The following TMEM132B variants were observed in gnomAD, a reference collection of about 807,000 sequenced individuals.
TMEM132B encodes the protein transmembrane protein 132B.
Under a neutral mutation model 90.8 loss-of-function variants are expected in TMEM132B, and 18 were observed. The ratio of observed to expected loss-of-function variants is 0.20; its 90% CI spans 0.14 to 0.29. The LOEUF is 0.29. Ranked by LOEUF, TMEM132B falls within the 10% of genes least tolerant of loss-of-function variation. The pLI is 1.00. For missense variants in TMEM132B, 1,096 were observed against 1,326.8 expected (o/e 0.83, Z 2.70); for synonymous variants, 504 against 523.3 (o/e 0.96, Z 0.50).
rs572606938 is a variant in TMEM132B, at chr12:125,660,131, C to T, written c.*5421C>T. 6.6e-6 allele frequency: 1 copy of T among 152,460 alleles called. No homozygotes were observed. Among genetic ancestry groups the T allele is most frequent in the African/African-American group, 2.4e-5 (1 of 41,554 alleles). 9.4% of individuals were successfully genotyped at this position (152,460 alleles called of 1,614,324 possible). A position where few individuals can be genotyped will look rare whatever the true frequency, so the allele number is the denominator to read the frequency against. On this transcript the variant is annotated 3_prime_UTR_variant, in exon 9 of 9. Coordinates refer to ENST00000682704, the MANE Select transcript of TMEM132B (RefSeq NM_001366854.1). ...AGTCGTGGTGGTGCATGCCTGTAGT[C>T]CCAGCTACTCTGGAGGCTGAGGCAG...
intron 1 of TMEM132B, among the ~76,000 whole-genome samples, chr12:125,245,762 C>A (rs1186395370): frequency 6.6e-6 from 1 of 152,158 alleles, no homozygotes; most frequent in Non-Finnish European, 1.5e-5. Flanking sequence ...ATAGCCCAGG[C>A]AGTGCCGGGG....
At chr12:125,447,817 A>G (rs1229783720) in intron 3 of TMEM132B, among the ~76,000 whole-genome samples, 1 of 152,186 alleles carries the variant, frequency 6.6e-6, no homozygotes, top group Non-Finnish European at 1.5e-5. Flanking sequence ...TGAATATATC[A>G]TTATATTGTC....
chr12:125,186,626 A>AGCCGAGGAAGCGCC lies in TMEM132B; in HGVS notation c.-170_-157dup, dbSNP rs1957761851. ...AGCCCAGGAGAGCGCGCAGAGGCGC[A>AGCCGAGGAAGCGCC]GCCGAGGAAGCGCCGCCAGCGCCGG... On this transcript the variant is annotated 5_prime_UTR_variant, in exon 1 of 9. An upstream open reading frame in the 5' UTR gains an earlier in-frame stop. Coordinates refer to ENST00000682704, the MANE Select transcript of TMEM132B (RefSeq NM_001366854.1). The surrounding 1 kb of genome is among the most constrained non-coding windows in gnomAD (Gnocchi z 6.3). 6.8e-6 allele frequency among the ~76,000 whole-genome samples: 1 copy of AGCCGAGGAAGCGCC among 146,708 alleles called. No individual in the cohort carries two copies. The highest frequency in any genetic ancestry group is 1.5e-5 in the Non-Finnish European group (1 of 65,940).
Position 125,294,476 on chromosome 12 carries a change from T to C in TMEM132B, c.68-54976T>C, listed in dbSNP as rs143740631. Among the ~76,000 whole-genome samples the C allele has an allele frequency of 3.1e-3, 479 of 152,348 alleles. 6 individuals carry two copies. Among genetic ancestry groups the C allele is most frequent in the African/African-American group, 0.011 (442 of 41,580 alleles). ...ATGTTCATCACAGAACTATTTATAA[T>C]GGTAGAAAATTTAAAACAACCTAGT... is the stretch of plus-strand genomic sequence containing the variant. On this transcript the variant is annotated intron_variant, in intron 1 of 8. Transcript: ENST00000682704.
chr12:125,377,437 G>A (rs1023573314), intron 2 of TMEM132B, among the ~76,000 whole-genome samples: 1 of 152,144 alleles, frequency 6.6e-6, no homozygotes, highest in African/African-American at 2.4e-5. Context: ...GAGTGAGGTT[G>A]GGTGGTTAGG....
intron 3 of TMEM132B, among the ~76,000 whole-genome samples, chr12:125,472,200 C>T (rs1375896989): frequency 6.6e-6 from 1 of 152,142 alleles, no homozygotes; most frequent in Non-Finnish European, 1.5e-5. Flanking sequence ...TGGAGAAACT[C>T]CATGGTTTAT....
intron 1 of TMEM132B, among the ~76,000 whole-genome samples, chr12:125,207,494 A>G (rs561482475): frequency 3.9e-5 from 6 of 152,296 alleles, no homozygotes; most frequent in South Asian, 2.1e-4. Context: ...ACTGTTCAAT[A>G]TGGTATCCGC....
intron 4 of TMEM132B, among the ~76,000 whole-genome samples, chr12:125,531,562 A>T (rs1250536595): frequency 6.6e-6 from 1 of 152,104 alleles, no homozygotes; most frequent in Non-Finnish European, 1.5e-5. Context: ...TTCCCACAAA[A>T]CTACAAGTTT....
Position 125,349,450 on chromosome 12 carries a change from A to G in TMEM132B, c.68-2A>G, listed in dbSNP as rs374754223. 2 of 1,598,324 alleles carry G rather than the reference A, an allele frequency of 1.3e-6. 1 individual carries two copies. Among genetic ancestry groups the G allele is most frequent in the South Asian group, 2.3e-5 (2 of 88,554 alleles). On this transcript the variant is annotated splice_acceptor_variant, in intron 1 of 8. Coordinates refer to ENST00000682704, the MANE Select transcript of TMEM132B (RefSeq NM_001366854.1). LOFTEE classifies it high-confidence loss of function. The surrounding 1 kb of genome is among the most constrained non-coding windows in gnomAD (Gnocchi z 4.1). ...ATTCTTTTGCTTTCCTTTCTTGTGC[A>G]GTGACAGAGAGTCGAGGGATTGTGG... is the stretch of plus-strand genomic sequence containing the variant.
intron 1 of TMEM132B, among the ~76,000 whole-genome samples, chr12:125,194,966 G>C (rs1162634102): frequency 1.3e-5 from 2 of 152,188 alleles, no homozygotes; most frequent in Non-Finnish European, 2.9e-5. Flanking sequence ...AAAATTGGGA[G>C]CTGTCAATAT....
At chr12:125,463,336 G>A (rs373998219) in intron 3 of TMEM132B, among the ~76,000 whole-genome samples, 2 of 152,192 alleles carry the variant, frequency 1.3e-5, no homozygotes, top group East Asian at 1.9e-4. Context: ...TGTCACAATA[G>A]GGATGGATGG....
At chr12:125,616,145 G>A (rs567679472) in intron 5 of TMEM132B, among the ~76,000 whole-genome samples, 74 of 134,558 alleles carry the variant, frequency 5.5e-4, no homozygotes, top group African/African-American at 2.1e-3. Flanking sequence ...GTGTCCACGT[G>A]TTCTCATTGT....
At position 125,287,717 on chromosome 12, in the gene TMEM132B, G is replaced by A. The variant is rs190709965; in HGVS notation, c.68-61735G>A. 1.7e-3 allele frequency among the ~76,000 whole-genome samples: 260 copies of A among 152,018 alleles called. 5 individuals are homozygous for A. Among genetic ancestry groups the A allele is most frequent in the Middle Eastern group, 6.8e-3 (2 of 294 alleles). On this transcript the variant is annotated intron_variant, in intron 1 of 8. Coordinates refer to ENST00000682704, the MANE Select transcript of TMEM132B (RefSeq NM_001366854.1). ...AACCACTTTACAGTTCTAGAGGATC[G>A]CTTCCAGAACAAACAAATGCACATG...
chr12:125,407,009 T>C lies in TMEM132B; in HGVS notation c.960-8522T>C, dbSNP rs1490164930. Among the ~76,000 whole-genome samples the C allele has an allele frequency of 6.6e-6, 1 of 152,178 alleles. No individual in the cohort carries two copies. The highest frequency in any genetic ancestry group is 1.5e-5 in the Non-Finnish European group (1 of 68,044). ...TTCTCCCAGAGCTGATGTGCAACCA[T>C]AGGCACAGAGTGCTGCCAACTGGGG... On this transcript the variant is annotated intron_variant, in intron 2 of 8. Transcript: ENST00000682704. This position sits in a 1 kb window ranked among gnomAD's most constrained non-coding sequence, Gnocchi z 6.7.
intron 5 of TMEM132B, among the ~76,000 whole-genome samples, chr12:125,639,903 G>T (rs542485371): frequency 6.6e-6 from 1 of 152,300 alleles, no homozygotes; most frequent in South Asian, 2.1e-4. Context: ...GATGGCTTTA[G>T]CCACAAGAAC....
At position 125,314,423 on chromosome 12, in the gene TMEM132B, G is replaced by A. The variant is rs577819187; in HGVS notation, c.68-35029G>A. ...TCAGAAGCCTGGTTTGCAAGGTAACGCTGCCTTCTGCCTTGAAGGCGAGGA... is the reference window on the plus strand; with the variant it reads ...TCAGAAGCCTGGTTTGCAAGGTAACACTGCCTTCTGCCTTGAAGGCGAGGA... On this transcript the variant is annotated intron_variant, in intron 1 of 8. Coordinates refer to ENST00000682704, the MANE Select transcript of TMEM132B (RefSeq NM_001366854.1). Among the ~76,000 whole-genome samples the A allele has an allele frequency of 4.1e-3, 618 of 152,316 alleles. 6 individuals are homozygous for A. The highest frequency in any genetic ancestry group is 7.2e-3 in the Non-Finnish European group (488 of 68,036).
intron 3 of TMEM132B, among the ~76,000 whole-genome samples, chr12:125,448,023 T>C (rs1881051040): frequency 6.6e-6 from 1 of 152,196 alleles, no homozygotes; most frequent in Non-Finnish European, 1.5e-5. Context: ...CCCAGCACTT[T>C]GGAAGGCCAA....
intron 3 of TMEM132B, among the ~76,000 whole-genome samples, chr12:125,487,594 C>G (rs1882235893): frequency 6.6e-6 from 1 of 152,164 alleles, no homozygotes; most frequent in Non-Finnish European, 1.5e-5. Flanking sequence ...GAAGATCTCA[C>G]AAGATGTTTT....
intron 4 of TMEM132B, among the ~76,000 whole-genome samples, chr12:125,528,514 C>T (rs760571099): frequency 3.9e-5 from 6 of 152,160 alleles, no homozygotes; most frequent in South Asian, 2.1e-4. Flanking sequence ...TTCCAGACAG[C>T]GTTTGTATGC....
Sources: allele counts gnomAD v4.1 joint callset (sites outside exome capture counted in the v4.1 genomes callset), GRCh38; gene constraint gnomAD v4.1.1; non-coding constraint Gnocchi (gnomAD v3.1); transcripts MANE v1.5; gene names NCBI Gene and HGNC (gene_info 2026-07-23, HGNC 2026-07-21).